Variants in OXR1 observed in about 807,000 individuals in gnomAD.
OXR1 encodes the protein oxidation resistance protein 1.
In OXR1, 41 loss-of-function variants were observed where a neutral mutation model predicts 104.6. The observed-to-expected ratio is 0.39, with a 90% CI of 0.31 to 0.51. The LOEUF (loss-of-function observed/expected upper bound fraction) is 0.51. OXR1 is among the 20% of genes least tolerant of loss of function. The probability of loss-of-function intolerance (pLI) is 0.77; values close to 1 mark genes in which losing one functional copy is unlikely to be tolerated. For missense variants in OXR1, 955 were observed against 1,031.9 expected, an observed-to-expected ratio of 0.93 and a Z score of 1.02; for synonymous variants, 348 against 348.4, an observed-to-expected ratio of 1.00 and a Z score of 0.01.
intron 1 of OXR1, among the ~76,000 whole-genome samples, chr8:106,291,458 G>A (rs1812745687): frequency 6.6e-6 from 1 of 152,080 alleles, no homozygotes; most frequent in Non-Finnish European, 1.5e-5. Flanking sequence ...ATTTGTATTA[G>A]CATTAAATTG....
At chr8:106,406,990 G>A (rs913977117) in intron 2 of OXR1, among the ~76,000 whole-genome samples, 11 of 152,134 alleles carry the variant, frequency 7.2e-5, no homozygotes, top group Non-Finnish European at 2.9e-5. Flanking sequence ...CTGGCTGTGC[G>A]AGAGTGGGAG....
intron 1 of OXR1, among the ~76,000 whole-genome samples, chr8:106,304,534 T>A (rs1419900748): frequency 6.6e-6 from 1 of 152,156 alleles, no homozygotes; most frequent in Non-Finnish European, 1.5e-5. Flanking sequence ...AGTAGCAACA[T>A]TAAAAAAGTA....
At chr8:106,302,114 T>A (rs758567539) in intron 1 of OXR1, among the ~76,000 whole-genome samples, 10 of 152,064 alleles carry the variant, frequency 6.6e-5, no homozygotes, top group Non-Finnish European at 1.3e-4. Context: ...TTATAAAGAG[T>A]TCATGGCCAT....
At chr8:106,541,070 C>T (rs923759939) in intron 3 of OXR1, among the ~76,000 whole-genome samples, 20 of 152,238 alleles carry the variant, frequency 1.3e-4, no homozygotes, top group African/African-American at 4.8e-4. Context: ...ATTTCTCTGA[C>T]CCTCATTTTC....
At chr8:106,522,374 A>G (rs1259785392) in intron 3 of OXR1, among the ~76,000 whole-genome samples, 1 of 152,240 alleles carries the variant, frequency 6.6e-6, no homozygotes, top group Non-Finnish European at 1.5e-5. Flanking sequence ...TGTAAAAGTT[A>G]TAGAAATAGT....
chr8:106,359,704 G>C (rs1816156720), intron 2 of OXR1, 68 bp downstream of exon 2: 1 of 1,119,796 alleles, frequency 8.9e-7, no homozygotes, highest in African/African-American at 1.5e-5. Context: ...TTCTGAGGGA[G>C]TCGTACAGGC....
chr8:106,438,217 A>C (rs1402696698), intron 2 of OXR1, among the ~76,000 whole-genome samples: 1 of 152,116 alleles, frequency 6.6e-6, no homozygotes, highest in African/African-American at 2.4e-5. Context: ...ATTGTCAACC[A>C]ATTATATTCA....
intron 1 of OXR1, among the ~76,000 whole-genome samples, chr8:106,301,419 A>G (rs924659526): frequency 6.6e-6 from 1 of 152,192 alleles, no homozygotes; most frequent in Non-Finnish European, 1.5e-5. Flanking sequence ...AAAATAAAAA[A>G]GATGTATTTG....
chr8:106,432,747 C>T (rs7842445), intron 2 of OXR1, among the ~76,000 whole-genome samples: 34,374 of 151,962 alleles, frequency 0.23, 5,400 homozygotes, highest in African/African-American at 0.42. Flanking sequence ...TCTATTCCCT[C>T]GTTAGATTAT....
At position 106,722,347 on chromosome 8, in the gene OXR1, A is replaced by G. The variant is rs28924669; in HGVS notation, c.1956+8362A>G. Among the ~76,000 whole-genome samples, 283 of 152,200 alleles carry G rather than the reference A, an allele frequency of 1.9e-3. 2 individuals carry two copies. The highest frequency in any genetic ancestry group is 6.5e-3 in the African/African-American group (271 of 41,544). ...TTTTTAAGTATTCTTTTTTTTTAAT[A>G]CTGATCGAATAATCAAATAATATTA... On this transcript the variant is annotated intron_variant, in intron 11 of 16. Transcript: ENST00000517566.
At chr8:106,513,280 TCA>T (rs1046249118) in intron 2 of OXR1, among the ~76,000 whole-genome samples, 1 of 152,100 alleles carries the variant, frequency 6.6e-6, no homozygotes, top group Non-Finnish European at 1.5e-5. Flanking sequence ...AACCCTATTT[TCA>T]CAGAGTAGGA....
chr8:106,273,865 G>A (rs1053215541), intron 1 of OXR1, among the ~76,000 whole-genome samples: 3 of 152,208 alleles, frequency 2.0e-5, no homozygotes, highest in South Asian at 2.1e-4. Context: ...ATATGTGCAT[G>A]TGAGCTAAGT....
intron 2 of OXR1, among the ~76,000 whole-genome samples, chr8:106,385,869 T>C (rs1400874646): frequency 6.6e-6 from 1 of 152,164 alleles, no homozygotes; most frequent in Non-Finnish European, 1.5e-5. Context: ...TCCTGCACTC[T>C]AAAGGCTGGA....
intron 12 of OXR1, 145 bp from the exon 13 acceptor site, chr8:106,739,313 G>T: frequency 3.1e-6 from 2 of 654,144 alleles, no homozygotes; most frequent in Non-Finnish European, 5.2e-6. Flanking sequence ...TTAGATATGG[G>T]CCATCTTTTG....
At chr8:106,621,405 G>A (rs759304454) in intron 3 of OXR1, among the ~76,000 whole-genome samples, 8 of 151,652 alleles carry the variant, frequency 5.3e-5, no homozygotes, top group African/African-American at 7.3e-5. Context: ...GAGCTATGAC[G>A]GCACCAATTC....
chr8:106,672,857 C>T (rs1827188271), intron 3 of OXR1, among the ~76,000 whole-genome samples: 1 of 152,132 alleles, frequency 6.6e-6, no homozygotes, highest in Non-Finnish European at 1.5e-5. Flanking sequence ...AAAGAAGGTG[C>T]CTTGCTTCCC....
chr8:106,742,757 G>T (rs574965392), intron 15 of OXR1, among the ~76,000 whole-genome samples: 4 of 152,202 alleles, frequency 2.6e-5, no homozygotes, highest in African/African-American at 9.6e-5. Flanking sequence ...GCAGAAAATT[G>T]AAACTGAACC....
intron 3 of OXR1, among the ~76,000 whole-genome samples, chr8:106,590,567 T>C (rs1174475749): frequency 6.6e-6 from 1 of 152,224 alleles, no homozygotes; most frequent in African/African-American, 2.4e-5. Context: ...ATTACAGGCA[T>C]GAGCCACCGT....
chr8:106,618,733 C>G (rs1008147034), intron 3 of OXR1, among the ~76,000 whole-genome samples: 2 of 152,188 alleles, frequency 1.3e-5, no homozygotes, highest in African/African-American at 2.4e-5. Context: ...GTTTCAAAGA[C>G]TTGTAATTCA....
Sources: allele counts gnomAD v4.1 joint callset (sites outside exome capture counted in the v4.1 genomes callset), GRCh38; gene constraint gnomAD v4.1.1; transcripts MANE v1.5; gene names NCBI Gene and HGNC (gene_info 2026-07-23, HGNC 2026-07-21).